The following ZRANB3 variants were observed in gnomAD, a reference collection of about 807,000 sequenced individuals.
ZRANB3 encodes zinc finger RANBP2-type containing 3.
Under a neutral mutation model 133.8 loss-of-function variants are expected in ZRANB3, and 125 were observed. The ratio of observed to expected loss-of-function variants is 0.93; its 90% CI spans 0.81 to 1.08. The LOEUF (loss-of-function observed/expected upper bound fraction) is 1.08, where lower values mean the gene tolerates loss of function less well. ZRANB3 is among the 50% of genes least tolerant of loss of function. The probability of loss-of-function intolerance (pLI) is 0.00; values close to 1 mark genes in which losing one functional copy is unlikely to be tolerated. For missense variants in ZRANB3, 1,229 were observed against 1,275.5 expected, an observed-to-expected ratio of 0.96 and a Z score of 0.56; for synonymous variants, 387 against 432.7, an observed-to-expected ratio of 0.89 and a Z score of 1.31.
chr2:135,528,305 G>A (rs895718685), intron 1 of ZRANB3, among the ~76,000 whole-genome samples: 3 of 151,832 alleles, frequency 2.0e-5, no homozygotes, highest in Non-Finnish European at 2.9e-5. Context: ...GCACCACTAC[G>A]CCCAGCTAAT....
At chr2:135,449,117 T>TACTA (rs1690153544) in intron 2 of ZRANB3, among the ~76,000 whole-genome samples, 1 of 152,214 alleles carries the variant, frequency 6.6e-6, no homozygotes, top group South Asian at 2.1e-4. Flanking sequence ...TGGAATTCAG[T>TACTA]AACCATACTA....
At position 135,454,023 on chromosome 2, in the gene ZRANB3, G is replaced by A. The variant is rs1371223971; in HGVS notation, c.161+50306C>T. ...GGGAGGCCTCAGAATTATGACAGGA[G>A]GCGAAAGCCACTTCTTACATGGTGG... On this transcript the variant is annotated intron_variant, in intron 2 of 20. Transcript: ENST00000264159. Among the ~76,000 whole-genome samples, 3 of 152,220 alleles carry A rather than the reference G, an allele frequency of 2.0e-5. No homozygotes were observed. In the East Asian group the frequency reaches 5.8e-4, roughly 29 times the overall value.
intron 2 of ZRANB3, among the ~76,000 whole-genome samples, chr2:135,484,493 A>G (rs904913366): frequency 1.3e-5 from 2 of 152,090 alleles, no homozygotes; most frequent in Non-Finnish European, 2.9e-5. Flanking sequence ...ATCCAGAAAT[A>G]AATACATGAC....
chr2:135,415,600 C>T (rs1422506990), intron 2 of ZRANB3, among the ~76,000 whole-genome samples: 3 of 152,214 alleles, frequency 2.0e-5, no homozygotes, highest in Admixed American at 6.5e-5. Context: ...CTCCCTAACT[C>T]ATTTTATGAG....
chr2:135,287,670 CTTTTTT>C (rs59739293), intron 8 of ZRANB3, among the ~76,000 whole-genome samples: 1 of 98,058 alleles, frequency 1.0e-5, no homozygotes, highest in Non-Finnish European at 2.0e-5. Context: ...TATTTCTTTC[CTTTTTT>C]TTTTTTTTTT....
At chr2:135,263,129 A>G (rs1680045230) in intron 12 of ZRANB3, among the ~76,000 whole-genome samples, 2 of 152,150 alleles carry the variant, frequency 1.3e-5, no homozygotes. Flanking sequence ...AGAGGTAACC[A>G]ATTTTATAAA....
At chr2:135,201,416 G>C (rs1275963153) in intron 20 of ZRANB3, among the ~76,000 whole-genome samples, 1 of 152,062 alleles carries the variant, frequency 6.6e-6, no homozygotes, top group African/African-American at 2.4e-5. Context: ...GCTTTGAAAG[G>C]CCAAGGCAGG....
chr2:135,320,614 G>A (rs1683479999), intron 6 of ZRANB3, among the ~76,000 whole-genome samples: 1 of 152,090 alleles, frequency 6.6e-6, no homozygotes, highest in African/African-American at 2.4e-5. Flanking sequence ...ATTTAAAAAA[G>A]TCATTTCCCA....
intron 1 of ZRANB3, among the ~76,000 whole-genome samples, chr2:135,528,596 A>G (rs1441933742): frequency 6.6e-6 from 1 of 152,200 alleles, no homozygotes; most frequent in Admixed American, 6.5e-5. Flanking sequence ...GATGGCCATC[A>G]TTACTATTTA....
At chr2:135,465,728 G>C (rs1174635447) in intron 2 of ZRANB3, among the ~76,000 whole-genome samples, 1 of 152,146 alleles carries the variant, frequency 6.6e-6, no homozygotes, top group South Asian at 2.1e-4. Context: ...AGAGTGAACA[G>C]GCAACCTACA....
chr2:135,379,446 G>A (rs1165168593), intron 3 of ZRANB3, among the ~76,000 whole-genome samples: 1 of 152,138 alleles, frequency 6.6e-6, no homozygotes, highest in Non-Finnish European at 1.5e-5. Flanking sequence ...AGTGAGAGTT[G>A]GAGCTGAATC....
chr2:135,270,576 C>T (rs953124176), intron 10 of ZRANB3, among the ~76,000 whole-genome samples: 1 of 152,220 alleles, frequency 6.6e-6, no homozygotes, highest in African/African-American at 2.4e-5. Context: ...ATTCTAAGCC[C>T]TTTTTGATGA....
intron 1 of ZRANB3, chr2:135,511,786 T>C (rs1351004578): frequency 7.9e-6 from 6 of 762,066 alleles, no homozygotes; most frequent in Non-Finnish European, 1.5e-5. Flanking sequence ...ATAAACTGCA[T>C]CTGCTAGCTT....
chr2:135,403,066 G>A (rs72984478), intron 2 of ZRANB3, among the ~76,000 whole-genome samples: 6,757 of 152,170 alleles, frequency 0.044, 502 homozygotes, highest in African/African-American at 0.16. Context: ...TCCAACTGAG[G>A]TACAAGGCTC....
At position 135,219,147 on chromosome 2, in the gene ZRANB3, G is replaced by C. The variant is rs768323191; in HGVS notation, c.2282C>G (p.Pro761Arg). ...CCAAAGGTCTAATTTTATATCCAGA[G>C]GAATGAAATTACAGCTCATCTGTTT... ...DGKQMSCNFI[P>R]LDIKLDLWED... is the part of the protein sequence containing the mutation. Residue 761 changes from proline to arginine, a missense_variant, in exon 16 of 21, where the codon CCT (proline) becomes CGT (arginine). Physicochemically the swap from Pro to Arg is moderately radical, Grantham distance 103. Coordinates refer to ENST00000264159, the MANE Select transcript of ZRANB3 (RefSeq NM_032143.4). 3 of 1,535,650 alleles carry C rather than the reference G, an allele frequency of 2.0e-6. No individual in the cohort carries two copies. The highest frequency in any genetic ancestry group is 2.6e-6 in the Non-Finnish European group (3 of 1,146,648).
rs538375693 is a variant in ZRANB3 at position 135,495,264 on chromosome 2, G to T, written c.161+9065C>A. ...AACTAAGAATAAAAAAAAATAAAAA[G>T]TTAAATTATTAAATTTGGTAACTGT... is the stretch of plus-strand genomic sequence containing the variant. On this transcript the variant is annotated intron_variant, in intron 2 of 20. Transcript: ENST00000264159. 2.2e-4 allele frequency among the ~76,000 whole-genome samples: 33 copies of T among 152,132 alleles called. No homozygotes were observed. In the South Asian group the frequency reaches 5.8e-3, roughly 27 times the overall value.
chr2:135,320,039 TC>T, intron 6 of ZRANB3, among the ~76,000 whole-genome samples: 1 of 152,102 alleles, frequency 6.6e-6, no homozygotes, highest in Non-Finnish European at 1.5e-5. Context: ...TTCTTTTTTT[TC>T]CCCCCAAGAG....
chr2:135,233,326 C>G (rs1482826175), intron 12 of ZRANB3, among the ~76,000 whole-genome samples: 1 of 152,156 alleles, frequency 6.6e-6, no homozygotes, highest in Non-Finnish European at 1.5e-5. Flanking sequence ...ATTGGTGTAC[C>G]TGAAACTGAT....
chr2:135,374,146 C>T (rs954108765), intron 3 of ZRANB3, among the ~76,000 whole-genome samples: 3 of 152,142 alleles, frequency 2.0e-5, no homozygotes, highest in East Asian at 1.9e-4. Flanking sequence ...ACTCTATCGG[C>T]CTGTAATCTC....
Sources: gnomAD v4.1 joint callset for allele counts (sites outside exome capture counted in the v4.1 genomes callset) on GRCh38, gnomAD v4.1.1 for gene constraint, MANE v1.5 for transcripts, NCBI Gene and HGNC (gene_info 2026-07-23, HGNC 2026-07-21) for gene names.